Variants in TAFA1 observed in about 807,000 individuals in gnomAD.
TAFA1 encodes TAFA chemokine like family member 1.
In TAFA1, 4 loss-of-function variants were observed where a neutral mutation model predicts 18.5. That is an observed-to-expected ratio of 0.22 (90% CI 0.11 to 0.49). The LOEUF (loss-of-function observed/expected upper bound fraction) is 0.49. Ranked by LOEUF, TAFA1 falls within the 20% of genes least tolerant of loss-of-function variation. The pLI, the probability that TAFA1 is intolerant of heterozygous loss-of-function variation, is 0.98. For missense variants in TAFA1, 147 were observed against 169.0 expected (o/e 0.87, Z 0.72); for synonymous variants, 56 against 55.2 (o/e 1.01, Z -0.06).
intron 2 of TAFA1, among the ~76,000 whole-genome samples, chr3:68,141,715 G>C (rs944957852): frequency 6.6e-6 from 1 of 152,230 alleles, no homozygotes; most frequent in East Asian, 1.9e-4. Context: ...TGCTGACAGT[G>C]AAGCCAACAC....
At chr3:68,120,233 CTTTCTTTCTTTCTTTCTTTCT>C (rs2065380251) in intron 2 of TAFA1, among the ~76,000 whole-genome samples, 12 of 113,198 alleles carry the variant, frequency 1.1e-4, no homozygotes, top group African/African-American at 3.8e-4. Context: ...TTCTTTCTTT[CTTTCTTTCTTTCTTTCTTTCT>C]TTCTTTCTTT....
chr3:68,147,280 A>C (rs892539349), intron 2 of TAFA1, among the ~76,000 whole-genome samples: 1 of 152,010 alleles, frequency 6.6e-6, no homozygotes, highest in East Asian at 1.9e-4. Flanking sequence ...GGTATCAGGC[A>C]ACTAGGGACC....
chr3:68,541,543 T>C (rs1260592689), intron 4 of TAFA1, among the ~76,000 whole-genome samples: 2 of 152,158 alleles, frequency 1.3e-5, no homozygotes, highest in Non-Finnish European at 2.9e-5. Context: ...ACTTTAATTA[T>C]TATGAGTCAC....
At chr3:68,002,756 T>C (rs964420018), upstream of TAFA1, among the ~76,000 whole-genome samples, 1 of 152,220 alleles carries the variant, frequency 6.6e-6, no homozygotes, top group Admixed American at 6.5e-5. Flanking sequence ...TGAAATCTGC[T>C]CTGTCTTTTA....
intron 2 of TAFA1, among the ~76,000 whole-genome samples, chr3:68,104,002 T>C (rs2065178449): frequency 6.6e-6 from 1 of 152,184 alleles, no homozygotes; most frequent in Non-Finnish European, 1.5e-5. Context: ...CATGTGTCTT[T>C]CATCAGCCTG....
chr3:68,135,546 A>T (rs751077703), intron 2 of TAFA1, among the ~76,000 whole-genome samples: 2 of 152,244 alleles, frequency 1.3e-5, no homozygotes, highest in Non-Finnish European at 2.9e-5. Flanking sequence ...GTTGCATAGC[A>T]GCTCCAAGCC....
In TAFA1 at chr3:68,168,748, A is replaced by G. The variant is rs548322259; in HGVS notation, c.118+162004A>G. On this transcript the variant is annotated intron_variant, in intron 2 of 4. Coordinates refer to ENST00000478136, the MANE Select transcript of TAFA1 (RefSeq NM_213609.4). ...TTTGACCTCAGCAATTCAAATGTGC[A>G]TATTTTCTTTTTTATCTTAAGAATT... 1.2e-4 allele frequency among the ~76,000 whole-genome samples: 19 copies of G among 152,346 alleles called. No homozygotes were observed. The South Asian group carries it at 3.7e-3, about 30-fold the overall frequency.
chr3:68,005,287 G>A (rs754073270), intron 1 of TAFA1, among the ~76,000 whole-genome samples: 4 of 152,168 alleles, frequency 2.6e-5, no homozygotes, highest in Non-Finnish European at 4.4e-5. Context: ...TAAACAGTGG[G>A]CAGTGAAACT....
At position 68,472,504 on chromosome 3, in the gene TAFA1, AC is replaced by A. The variant is rs1424987214; in HGVS notation, c.259+55085del. 3.1e-4 allele frequency among the ~76,000 whole-genome samples: 20 copies of A among 64,212 alleles called. No individual in the cohort carries two copies. The East Asian group carries it at 0.022, about 69-fold the overall frequency. 42.1% of individuals were successfully genotyped at this position (64,212 alleles called of 152,430 possible). On this transcript the variant is annotated intron_variant, in intron 3 of 4. Transcript: ENST00000478136. The stretch of plus-strand genomic sequence containing the variant: ...GTGACAAAGTTGTTTAGAACTAAAT[AC>A]ACACACACACACACACACACACACA...
intron 2 of TAFA1, among the ~76,000 whole-genome samples, chr3:68,225,897 A>C (rs1325288729): frequency 6.6e-6 from 1 of 152,110 alleles, no homozygotes; most frequent in African/African-American, 2.4e-5. Context: ...AAAAAAAAAA[A>C]ATCCATATGA....
In TAFA1 at chr3:68,195,385, G is replaced by A. The variant is rs371990443; in HGVS notation, c.118+188641G>A. On this transcript the variant is annotated intron_variant, in intron 2 of 4. Coordinates refer to ENST00000478136, the MANE Select transcript of TAFA1 (RefSeq NM_213609.4). ...TTGGCATCCTAGATTAACAGTTTGA[G>A]TTTGAGGACTTCTTGTATATAGGTG... Among the ~76,000 whole-genome samples, 5 of 147,202 alleles carry A rather than the reference G, an allele frequency of 3.4e-5. No individual in the cohort carries two copies. In the South Asian group the frequency reaches 1.1e-3, roughly 34 times the overall value.
At chr3:68,388,852 A>T (rs752901200) in intron 2 of TAFA1, among the ~76,000 whole-genome samples, 37 of 152,286 alleles carry the variant, frequency 2.4e-4, no homozygotes, top group Non-Finnish European at 4.0e-4. Context: ...CATTTCTATC[A>T]TAATAGAATA....
At chr3:68,305,546 A>G (rs67214527) in intron 2 of TAFA1, among the ~76,000 whole-genome samples, 39,263 of 147,910 alleles carry the variant, frequency 0.27, 6,092 homozygotes, top group East Asian at 0.76. Context: ...TCCTTGAAAC[A>G]TAATTTTCTA....
chr3:68,292,619 T>C (rs1271826426), intron 2 of TAFA1, among the ~76,000 whole-genome samples: 1 of 152,280 alleles, frequency 6.6e-6, no homozygotes, highest in East Asian at 1.9e-4. Context: ...CTCGAATTCC[T>C]GGGCTCAAGT....
intron 2 of TAFA1, among the ~76,000 whole-genome samples, chr3:68,306,673 A>T (rs2068428399): frequency 6.6e-6 from 1 of 152,138 alleles, no homozygotes; most frequent in Non-Finnish European, 1.5e-5. Context: ...TACATTATGT[A>T]AAAATCTGTC....
At chr3:68,535,492 G>A (rs1467701940) in intron 3 of TAFA1, among the ~76,000 whole-genome samples, 1 of 151,852 alleles carries the variant, frequency 6.6e-6, no homozygotes, top group African/African-American at 2.4e-5. Flanking sequence ...TCTTACATAT[G>A]AATACAGCTA....
intron 2 of TAFA1, among the ~76,000 whole-genome samples, chr3:68,139,429 A>C (rs999375257): frequency 1.3e-5 from 2 of 152,206 alleles, no homozygotes; most frequent in African/African-American, 4.8e-5. Flanking sequence ...CCAAGAATTC[A>C]ATGGAAAACA....
At chr3:68,261,851 G>A (rs576286915) in intron 2 of TAFA1, among the ~76,000 whole-genome samples, 19 of 151,734 alleles carry the variant, frequency 1.3e-4, no homozygotes, top group African/African-American at 3.9e-4. Flanking sequence ...CACCAACATG[G>A]CACACGTATA....
chr3:68,243,256 TAATATCAAGG>T (rs2067024509), intron 2 of TAFA1, among the ~76,000 whole-genome samples: 1 of 152,156 alleles, frequency 6.6e-6, no homozygotes, highest in Non-Finnish European at 1.5e-5. Context: ...AATACCAGTA[TAATATCAAGG>T]AATACCAGGA....
Sources: allele counts gnomAD v4.1 joint callset (sites outside exome capture counted in the v4.1 genomes callset), GRCh38; gene constraint gnomAD v4.1.1; transcripts MANE v1.5; gene names NCBI Gene and HGNC (gene_info 2026-07-23, HGNC 2026-07-21).